MGAT5B: variants seen among roughly 807,000 people sequenced by gnomAD.
MGAT5B encodes alpha-1,6-mannosylglycoprotein 6-beta-N-acetylglucosaminyltransferase B.
In MGAT5B, 54 loss-of-function variants were observed where a neutral mutation model predicts 95.1. That is an observed-to-expected ratio of 0.57 (90% confidence interval 0.46 to 0.71). The LOEUF (loss-of-function observed/expected upper bound fraction) is 0.71. Ranked by LOEUF, MGAT5B falls within the 30% of genes least tolerant of loss-of-function variation. The probability of loss-of-function intolerance (pLI) is 0.00; values close to 1 mark genes in which losing one functional copy is unlikely to be tolerated. For synonymous variants in MGAT5B, 464 were observed against 451.0 expected, an observed-to-expected ratio of 1.03 and a Z score of -0.36; for missense variants, 935 against 1,088.6, an observed-to-expected ratio of 0.86 and a Z score of 1.99.
intron 15 of MGAT5B, among the ~76,000 whole-genome samples, chr17:76,945,511 ACTC>A (rs1970003360): frequency 6.6e-6 from 1 of 151,008 alleles, no homozygotes; most frequent in Non-Finnish European, 1.5e-5. Context: ...CTGGTCTTGA[ACTC>A]CTGACCTCAG....
intron 2 of MGAT5B, among the ~76,000 whole-genome samples, chr17:76,878,310 C>G (rs905295073): frequency 5.2e-4 from 79 of 152,256 alleles, no homozygotes; most frequent in African/African-American, 1.9e-3. Context: ...GAGTTCCATG[C>G]CATCTGCAGA....
chr17:76,949,476 CTTCCCTCCCGAT>C lies in MGAT5B; in HGVS notation c.*644_*655del, dbSNP rs72029956. ...TCCTGTTTGTGCCTCCCCTTAGTCC[CTTCCCTCCCGAT>C]TTCCCGATTCCCCCACCCTCCCTCT... On this transcript the variant is annotated 3_prime_UTR_variant, in exon 18 of 18. Transcript: ENST00000569840. 12,214 of 152,440 alleles carry C rather than the reference CTTCCCTCCCGAT, an allele frequency of 0.08. 643 individuals carry two copies. The highest frequency in any genetic ancestry group is 0.25 in the East Asian group (1,292 of 5,118). The allele number at this position is 152,440 out of a possible 1,614,324, so 9.4% of individuals were successfully genotyped here. A position where few individuals can be genotyped will look rare whatever the true frequency, so the allele number is the denominator to read the frequency against.
chr17:76,881,552 G>C (rs1219017221), intron 2 of MGAT5B, among the ~76,000 whole-genome samples: 1 of 152,250 alleles, frequency 6.6e-6, no homozygotes, highest in Non-Finnish European at 1.5e-5. Context: ...TTCCCTGCAT[G>C]TCCGGATCCA....
At chr17:76,923,611 C>T (rs1371098842) in intron 8 of MGAT5B, among the ~76,000 whole-genome samples, 1 of 152,176 alleles carries the variant, frequency 6.6e-6, no homozygotes, top group African/African-American at 2.4e-5. Context: ...TGGGCCTCTC[C>T]TCAGGACGCC....
chr17:76,905,902 G>C lies in MGAT5B; in HGVS notation c.856-116G>C. On this transcript the variant is annotated intron_variant, in intron 7 of 17. Coordinates refer to ENST00000569840, the MANE Select transcript of MGAT5B (RefSeq NM_001199172.2). This position sits in a 1 kb window ranked among gnomAD's most constrained non-coding sequence, Gnocchi z 4.2. ...CTCTGGTGCCGGAAAGCACCTGCTG[G>C]GGCCCAGCCTGGAGACAGGGTCTGC... 1 of 1,185,802 alleles carries C rather than the reference G, an allele frequency of 8.4e-7. No individual in the cohort carries two copies. The highest frequency in any genetic ancestry group is 1.2e-6 in the Non-Finnish European group (1 of 862,132). 73.5% of individuals were successfully genotyped at this position (1,185,802 alleles called of 1,614,324 possible).
intron 3 of MGAT5B, among the ~76,000 whole-genome samples, chr17:76,884,792 C>T (rs1455153308): frequency 6.6e-6 from 1 of 152,046 alleles, no homozygotes; most frequent in Admixed American, 6.6e-5. Flanking sequence ...TTAGTAGAGA[C>T]GGGGTTTCAC....
intron 12 of MGAT5B, among the ~76,000 whole-genome samples, chr17:76,935,584 GTTTA>G (rs1185948289): frequency 8.0e-6 from 1 of 125,474 alleles, no homozygotes; most frequent in Non-Finnish European, 1.7e-5. Flanking sequence ...ATTTTTGTGT[GTTTA>G]TTTGTCTTCC....
At chr17:76,878,100 G>A (rs1226399691) in intron 2 of MGAT5B, among the ~76,000 whole-genome samples, 2 of 152,190 alleles carry the variant, frequency 1.3e-5, no homozygotes, top group African/African-American at 4.8e-5. Context: ...ATGTCAGCTT[G>A]CTCTGCTGAC....
At position 76,916,554 on chromosome 17, in the gene MGAT5B, G is replaced by A. The variant is rs1968945798; in HGVS notation, c.1026-8412G>A. ...CTCATACCCGTAACCCCAGCACTTT[G>A]GGAGGCTGGGATTACAGGCAGATCC... On this transcript the variant is annotated intron_variant, in intron 8 of 17. Transcript: ENST00000569840. This position sits in a 1 kb window ranked among gnomAD's most constrained non-coding sequence, Gnocchi z 5.3. Among the ~76,000 whole-genome samples the A allele has an allele frequency of 6.6e-6, 1 of 152,226 alleles. No homozygotes were observed.
At chr17:76,872,635 G>C in intron 1 of MGAT5B, 1 of 1,456,778 alleles carries the variant, frequency 6.9e-7, no homozygotes. Context: ...GTGGTTTCTC[G>C]TGTGGCTCGA....
At chr17:76,883,760 C>T (rs1201159310) in intron 3 of MGAT5B, among the ~76,000 whole-genome samples, 1 of 152,262 alleles carries the variant, frequency 6.6e-6, no homozygotes, top group Non-Finnish European at 1.5e-5. Flanking sequence ...AGCTATTTCT[C>T]AGCCAGCGTG....
In MGAT5B at chr17:76,912,313, CCCTTCAGGGAGAGGCAG is replaced by C. The variant is rs1968770426; in HGVS notation, c.1025+6127_1025+6143del. Among the ~76,000 whole-genome samples, 1 of 152,098 alleles carries C rather than the reference CCCTTCAGGGAGAGGCAG, an allele frequency of 6.6e-6. No individual in the cohort carries two copies. The highest frequency in any genetic ancestry group is 1.5e-5 in the Non-Finnish European group (1 of 68,016). On this transcript the variant is annotated intron_variant, in intron 8 of 17. Transcript: ENST00000569840. The surrounding 1 kb of genome is among the most constrained non-coding windows in gnomAD (Gnocchi z 5.0). ...AGAGTTCCCAGCGAGCAACCGCGAG[CCCTTCAGGGAGAGGCAG>C]AAGCACCCAGGGCCTCACCTCTCAG...
intron 13 of MGAT5B, among the ~76,000 whole-genome samples, chr17:76,939,829 A>G (rs778503276): frequency 7.0e-6 from 1 of 142,578 alleles, no homozygotes; most frequent in African/African-American, 2.7e-5. Flanking sequence ...TGCTGTATCC[A>G]TATTGCTGAA....
chr17:76,935,879 T>TC (rs1567822939), intron 12 of MGAT5B, among the ~76,000 whole-genome samples: 3 of 123,496 alleles, frequency 2.4e-5, no homozygotes, highest in African/African-American at 9.2e-5. Flanking sequence ...ATTATATATA[T>TC]TATATATTAT....
At chr17:76,890,923 C>T (rs1967839636) in intron 3 of MGAT5B, among the ~76,000 whole-genome samples, 1 of 149,112 alleles carries the variant, frequency 6.7e-6, no homozygotes. Flanking sequence ...GCTGTGTCTT[C>T]ACACAGTGGG....
chr17:76,925,490 C>T (rs879547785), intron 9 of MGAT5B, among the ~76,000 whole-genome samples: 26 of 150,922 alleles, frequency 1.7e-4, no homozygotes, highest in Middle Eastern at 3.4e-3. Flanking sequence ...CCCCTCTCTT[C>T]CTCCACCCCA....
chr17:76,931,647 A>G (rs1002871988), intron 10 of MGAT5B, among the ~76,000 whole-genome samples: 7 of 152,118 alleles, frequency 4.6e-5, no homozygotes, highest in African/African-American at 1.7e-4. Context: ...GGACTTTGGC[A>G]TATGGGGTTT....
In MGAT5B at chr17:76,948,946, C is replaced by CA; in HGVS notation, c.*109dup. The CA allele has an allele frequency of 4.9e-6, 6 of 1,225,156 alleles. No individual in the cohort carries two copies. Among genetic ancestry groups the CA allele is most frequent in the African/African-American group, 1.5e-5 (1 of 66,516 alleles). 75.9% of individuals were successfully genotyped at this position (1,225,156 alleles called of 1,614,324 possible). On this transcript the variant is annotated 3_prime_UTR_variant, in exon 18 of 18. Coordinates refer to ENST00000569840, the MANE Select transcript of MGAT5B (RefSeq NM_001199172.2). ...CTGCTTGTCCTCCTCGCAACCCCCC[C>CA]AGGCCGGAGCTTCCTTCCTTAGCCG...
At chr17:76,903,248 C>A in intron 4 of MGAT5B, 55 bp from the exon 5 acceptor site, 1 of 1,431,908 alleles carries the variant, frequency 7.0e-7, no homozygotes, top group Non-Finnish European at 9.6e-7. Context: ...GCAGGCCTCC[C>A]TCCCTGGGCT....
Sources: gnomAD v4.1 joint callset for allele counts (sites outside exome capture counted in the v4.1 genomes callset) on GRCh38, gnomAD v4.1.1 for gene constraint, Gnocchi (gnomAD v3.1) non-coding constraint, MANE v1.5 for transcripts, NCBI Gene and HGNC (gene_info 2026-07-23, HGNC 2026-07-21) for gene names.